Variants in LGALS1 observed in about 807,000 individuals in gnomAD.
LGALS1 encodes galectin 1, also known as galectin-1.
Under a neutral mutation model 14.4 loss-of-function variants are expected in LGALS1, and 14 were observed. The ratio of observed to expected loss-of-function variants is 0.97; its 90% CI spans 0.64 to 1.52. The LOEUF is 1.52. Among genes scored for constraint, LGALS1 ranks in the 40% most tolerant of loss-of-function variants. LGALS1 has a pLI of 0.00. For missense variants in LGALS1, 170 were observed against 181.4 expected, an observed-to-expected ratio of 0.94 and a Z score of 0.36; for synonymous variants, 71 against 73.4, an observed-to-expected ratio of 0.97 and a Z score of 0.17.
intron 2 of LGALS1, 180 bp downstream of exon 2, chr22:37,677,245 C>A: frequency 1.6e-6 from 1 of 614,092 alleles, no homozygotes; most frequent in Non-Finnish European, 2.9e-6. Flanking sequence ...ACCGTTGCCG[C>A]CCCCTCCCCC....
chr22:37,676,888 C>A lies in LGALS1; in HGVS notation c.10-98C>A, dbSNP rs1406129576. 6 of 1,187,568 alleles carry A rather than the reference C, an allele frequency of 5.1e-6. No individual in the cohort carries two copies. The Admixed American group carries it at 7.5e-5, about 15-fold the overall frequency. 73.6% of individuals were successfully genotyped at this position (1,187,568 alleles called of 1,614,324 possible). On this transcript the variant is annotated intron_variant, in intron 1 of 3. Coordinates refer to ENST00000215909, the MANE Select transcript of LGALS1 (RefSeq NM_002305.4). Reference sequence around the variant, plus strand: ...CTTGGCTTGGTCAGAGGATGCCGGGCGGGAACAACCCCACTCCCACCCCCA... The same window carrying A: ...CTTGGCTTGGTCAGAGGATGCCGGGAGGGAACAACCCCACTCCCACCCCCA...
intron 2 of LGALS1, 95 bp downstream of exon 2, chr22:37,677,160 G>T (rs1056348002): frequency 4.0e-6 from 5 of 1,265,594 alleles, no homozygotes; most frequent in Admixed American, 2.0e-5. Context: ...CCCTGGCCGG[G>T]AGCGGGTTAA....
chr22:37,677,768 ATTTATTAT>A (rs1247473108), intron 2 of LGALS1, among the ~76,000 whole-genome samples: 1 of 151,674 alleles, frequency 6.6e-6, no homozygotes, highest in East Asian at 1.9e-4. Flanking sequence ...TTATTTATTT[ATTTATTAT>A]TTTATTATTT....
chr22:37,678,388 G>A (rs1301558222), intron 2 of LGALS1, 95 bp from the exon 3 acceptor site: 5 of 1,380,206 alleles, frequency 3.6e-6, no homozygotes, highest in Non-Finnish European at 5.1e-6. Flanking sequence ...AGTTCTTCCA[G>A]CAAGGTGCGT....
chr22:37,679,560 C>T, intron 3 of LGALS1, 43 bp from the exon 4 acceptor site: 2 of 1,533,224 alleles, frequency 1.3e-6, no homozygotes, highest in South Asian at 1.2e-5. Context: ...CTGGAAGGGC[C>T]CATGGCATGT....
chr22:37,676,797 T>G, intron 1 of LGALS1, 189 bp from the exon 2 acceptor site: 1 of 687,518 alleles, frequency 1.5e-6, no homozygotes, highest in Non-Finnish European at 2.7e-6. Flanking sequence ...GAATAGGGAC[T>G]TTCCCAGGAC....
rs146257010 is a variant in LGALS1, at chr22:37,678,589, G to A, written c.196G>A (p.Gly66Ser). ...CACCATCGTGTGCAACAGCAAGGAC[G>A]GCGGGGCCTGGGGGACCGAGCAGCG... ...ANTIVCNSKD[G>S]GAWGTEQREA... is the part of the protein sequence containing the mutation. The change falls in exon 3 of 4, where the codon GGC becomes AGC. Residue 66 changes from glycine (G) to serine (S), a missense_variant. Gly to Ser is a moderately conservative substitution (Grantham distance 56). Coordinates refer to ENST00000215909, the MANE Select transcript of LGALS1 (RefSeq NM_002305.4). 3.4e-5 allele frequency: 55 copies of A among 1,613,328 alleles called. No homozygotes were observed. Among genetic ancestry groups the A allele is most frequent in the African/African-American group, 1.2e-4 (9 of 74,932 alleles).
At chr22:37,678,450 G>A (rs774651823) in intron 2 of LGALS1, 33 bp from the exon 3 acceptor site, 25 of 1,611,354 alleles carry the variant, frequency 1.6e-5, no homozygotes, top group East Asian at 2.2e-5. Context: ...GGAGCTGGCC[G>A]AGGTGGCCTC....
chr22:37,676,347 C>T (rs1921427618), intron 1 of LGALS1, among the ~76,000 whole-genome samples: 1 of 152,170 alleles, frequency 6.6e-6, no homozygotes, highest in South Asian at 2.1e-4. Flanking sequence ...AGAAACCACT[C>T]AAACCAGTTA....
chr22:37,675,791 G>A, intron 1 of LGALS1, 80 bp downstream of exon 1: 1 of 1,284,934 alleles, frequency 7.8e-7, no homozygotes. Flanking sequence ...CAGATCGGGA[G>A]CAGATTCTAG....
chr22:37,675,731 C>T lies in LGALS1; in HGVS notation c.9+20C>T, dbSNP rs199824702. On this transcript the variant is annotated intron_variant, in intron 1 of 3. Coordinates refer to ENST00000215909, the MANE Select transcript of LGALS1 (RefSeq NM_002305.4). ...GCTTGTGTGAGTGTGGGGACCCCCC[C>T]CCAAGGTCCAGGGGATAGGGCAGGA... 477 of 1,539,000 alleles carry T rather than the reference C, an allele frequency of 3.1e-4. No homozygotes were observed. The highest frequency in any genetic ancestry group is 4.0e-4 in the Non-Finnish European group (460 of 1,140,724).
At chr22:37,678,412 AG>A in intron 2 of LGALS1, 70 bp from the exon 3 acceptor site, 1 of 1,538,208 alleles carries the variant, frequency 6.5e-7, no homozygotes, top group Non-Finnish European at 9.0e-7. Flanking sequence ...TGGGATACTG[AG>A]TGACAGATTA....
In LGALS1 at chr22:37,678,606, C is replaced by G; in HGVS notation, c.213C>G (p.Thr71=). The G allele has an allele frequency of 6.2e-7, 1 of 1,602,224 alleles. No homozygotes were observed. Among genetic ancestry groups the G allele is most frequent in the Non-Finnish European group, 8.5e-7 (1 of 1,173,218 alleles). ...GCAAGGACGGCGGGGCCTGGGGGAC[C>G]GAGCAGCGGGAGGCTGTCTTTCCCT... ...CNSKDGGAWG[T]EQREAVFPFQ... The change falls in exon 3 of 4, where the codon ACC becomes ACG. Residue 71 remains threonine, a synonymous_variant. Coordinates refer to ENST00000215909, the MANE Select transcript of LGALS1 (RefSeq NM_002305.4).
intron 2 of LGALS1, chr22:37,678,274 C>T: frequency 2.9e-6 from 2 of 699,422 alleles, no homozygotes; most frequent in Admixed American, 2.0e-5. Context: ...TCAAGCGAGC[C>T]CTCCTGTGCA....
At chr22:37,677,090 G>T (rs779777249) in intron 2 of LGALS1, 25 bp downstream of exon 2, 2 of 1,611,184 alleles carry the variant, frequency 1.2e-6, no homozygotes, top group African/African-American at 2.7e-5. Context: ...CGGGGTGGTG[G>T]GCGGCAGGGA....
At chr22:37,677,142 C>A in intron 2 of LGALS1, 77 bp downstream of exon 2, 1 of 1,382,354 alleles carries the variant, frequency 7.2e-7, no homozygotes, top group Non-Finnish European at 1.0e-6. Context: ...GCCAAGCCCA[C>A]ATCTCCTCCC....
intron 3 of LGALS1, among the ~76,000 whole-genome samples, chr22:37,679,079 C>T (rs1441749073): frequency 2.7e-5 from 4 of 146,804 alleles, no homozygotes; most frequent in East Asian, 2.0e-4. Context: ...TGCAGTGAGC[C>T]GAGATTGCAC....
chr22:37,678,290 C>T (rs1366994995), intron 2 of LGALS1, 193 bp from the exon 3 acceptor site: 15 of 717,610 alleles, frequency 2.1e-5, no homozygotes, highest in Non-Finnish European at 3.6e-5. Context: ...GTGCAGCCCC[C>T]ATTGTACAGA....
chr22:37,678,589 G>C lies in LGALS1; in HGVS notation c.196G>C (p.Gly66Arg), dbSNP rs146257010. 2 of 1,613,328 alleles carry C rather than the reference G, an allele frequency of 1.2e-6. No homozygotes were observed. Among genetic ancestry groups the C allele is most frequent in the Non-Finnish European group, 1.7e-6 (2 of 1,179,986 alleles). The change falls in exon 3 of 4, where the codon GGC (glycine) becomes CGC (arginine). Residue 66 changes from glycine to arginine, a missense_variant. Gly to Arg is a moderately radical substitution (Grantham distance 125, BLOSUM62 -2). Coordinates refer to ENST00000215909, the MANE Select transcript of LGALS1 (RefSeq NM_002305.4). The stretch of plus-strand genomic sequence containing the variant: ...CACCATCGTGTGCAACAGCAAGGAC[G>C]GCGGGGCCTGGGGGACCGAGCAGCG... ...ANTIVCNSKD[G>R]GAWGTEQREA...
Sources: allele counts gnomAD v4.1 joint callset (sites outside exome capture counted in the v4.1 genomes callset), GRCh38; gene constraint gnomAD v4.1.1; transcripts MANE v1.5; gene names NCBI Gene and HGNC (gene_info 2026-07-23, HGNC 2026-07-21).